The following PTPRM variants were observed in gnomAD, a reference collection of about 807,000 sequenced individuals.
PTPRM encodes protein tyrosine phosphatase receptor type M.
PTPRM carries 47 observed loss-of-function variants against 186.7 expected under a neutral mutation model. The ratio of observed to expected loss-of-function variants is 0.25; its 90% CI spans 0.20 to 0.32. The LOEUF (loss-of-function observed/expected upper bound fraction) is 0.32. PTPRM is among the 10% of genes least tolerant of loss of function. The pLI is 1.00. For missense variants in PTPRM, 1,494 were observed against 1,865.0 expected (o/e 0.80, Z 3.66); for synonymous variants, 668 against 674.9 (o/e 0.99, Z 0.16).
chr18:7,881,763 A>C lies in PTPRM; in HGVS notation c.197-6343A>C, dbSNP rs2048521054. Among the ~76,000 whole-genome samples the C allele has an allele frequency of 2.0e-5, 3 of 152,154 alleles. No individual in the cohort carries two copies. The South Asian group carries it at 6.2e-4, about 32-fold the overall frequency. ...GTGGTGATTCCATGTGCCGTGGCCTATTGGCACCCTTTATTTTCTCCTTTC... is the reference window on the plus strand; with the variant it reads ...GTGGTGATTCCATGTGCCGTGGCCTCTTGGCACCCTTTATTTTCTCCTTTC... On this transcript the variant is annotated intron_variant, in intron 2 of 32. Transcript: ENST00000580170.
At chr18:7,654,676 A>G (rs1347084536) in intron 1 of PTPRM, among the ~76,000 whole-genome samples, 1 of 152,218 alleles carries the variant, frequency 6.6e-6, no homozygotes, top group Admixed American at 6.5e-5. Flanking sequence ...ATGGCTAGTC[A>G]GTTACACCAG....
At chr18:8,222,474 A>G (rs2094164666) in intron 14 of PTPRM, among the ~76,000 whole-genome samples, 1 of 152,198 alleles carries the variant, frequency 6.6e-6, no homozygotes, top group African/African-American at 2.4e-5. Context: ...GATTTTACAA[A>G]GTTTCCATCT....
At chr18:8,177,290 A>G (rs564631281) in intron 14 of PTPRM, among the ~76,000 whole-genome samples, 3 of 152,200 alleles carry the variant, frequency 2.0e-5, no homozygotes, top group African/African-American at 7.2e-5. Flanking sequence ...CATTCAACAC[A>G]TTTTTTGAGA....
chr18:8,030,733 G>T (rs775125632), intron 7 of PTPRM, among the ~76,000 whole-genome samples: 7 of 152,210 alleles, frequency 4.6e-5, no homozygotes, highest in Non-Finnish European at 8.8e-5. Flanking sequence ...ATGACAACAT[G>T]AGGTGGTTCA....
chr18:7,920,866 G>A (rs1176894512), intron 4 of PTPRM, among the ~76,000 whole-genome samples: 4 of 151,986 alleles, frequency 2.6e-5, no homozygotes, highest in Admixed American at 6.6e-5. Context: ...TAGCTTTAGT[G>A]GCTGCAGTAT....
chr18:8,152,417 G>T (rs750104875), intron 14 of PTPRM, among the ~76,000 whole-genome samples: 1 of 152,068 alleles, frequency 6.6e-6, no homozygotes, highest in East Asian at 1.9e-4. Flanking sequence ...TCCATTTATG[G>T]TTCTGTTCTA....
chr18:8,199,963 G>A (rs1373617704), intron 14 of PTPRM, among the ~76,000 whole-genome samples: 1 of 152,056 alleles, frequency 6.6e-6, no homozygotes, highest in African/African-American at 2.4e-5. Context: ...AAATCTTGTT[G>A]TTAAATAATA....
chr18:7,979,216 CCTGT>C (rs978611533), intron 7 of PTPRM, among the ~76,000 whole-genome samples: 1 of 152,092 alleles, frequency 6.6e-6, no homozygotes, highest in African/African-American at 2.4e-5. Context: ...TTTGTCTGAC[CCTGT>C]CTAAGTATAT....
chr18:8,344,446 G>GTATATATATATATATATATATATATA (rs1412437272), intron 23 of PTPRM, among the ~76,000 whole-genome samples: 20 of 16,606 alleles, frequency 1.2e-3, no homozygotes, highest in South Asian at 6.0e-3. Context: ...GTGTGTGTGT[G>GTATATATATATATATATATATATATA]TGTATATATA....
At chr18:8,384,976 C>T (rs944607687) in intron 30 of PTPRM, among the ~76,000 whole-genome samples, 1 of 152,142 alleles carries the variant, frequency 6.6e-6, no homozygotes, top group Admixed American at 6.5e-5. Flanking sequence ...AGAGAGTGGG[C>T]TCAACTCCGA....
At chr18:7,720,411 C>T (rs1024561092) in intron 1 of PTPRM, among the ~76,000 whole-genome samples, 3 of 152,034 alleles carry the variant, frequency 2.0e-5, no homozygotes, top group African/African-American at 7.2e-5. Context: ...TGGAAATTCA[C>T]TGTAATAAAA....
At chr18:7,755,577 T>C (rs751544992) in intron 1 of PTPRM, among the ~76,000 whole-genome samples, 8 of 152,222 alleles carry the variant, frequency 5.3e-5, no homozygotes, top group Non-Finnish European at 1.2e-4. Context: ...AATTTTATTT[T>C]GTGCTATGTG....
chr18:8,089,641 G>T (rs1000378512), intron 11 of PTPRM, among the ~76,000 whole-genome samples: 7 of 152,132 alleles, frequency 4.6e-5, no homozygotes, highest in African/African-American at 1.7e-4. Flanking sequence ...TTTGAATAGA[G>T]TACTTGGAAG....
At chr18:7,724,895 T>G (rs2040516215) in intron 1 of PTPRM, among the ~76,000 whole-genome samples, 1 of 152,236 alleles carries the variant, frequency 6.6e-6, no homozygotes, top group South Asian at 2.1e-4. Flanking sequence ...ATTACAATGT[T>G]CAGGCTCTTT....
intron 1 of PTPRM, among the ~76,000 whole-genome samples, chr18:7,747,956 G>C (rs1402215170): frequency 6.6e-6 from 1 of 152,162 alleles, no homozygotes; most frequent in African/African-American, 2.4e-5. Context: ...TATCTCTGTG[G>C]AGGTGACACC....
At chr18:7,985,643 A>T (rs1209571213) in intron 7 of PTPRM, among the ~76,000 whole-genome samples, 2 of 150,040 alleles carry the variant, frequency 1.3e-5, no homozygotes, top group African/African-American at 4.9e-5. Context: ...ATATATACAT[A>T]TATGGGGTAA....
chr18:8,303,320 G>A (rs1021243431), intron 20 of PTPRM, among the ~76,000 whole-genome samples: 1 of 152,068 alleles, frequency 6.6e-6, no homozygotes, highest in African/African-American at 2.4e-5. Flanking sequence ...TCCTAACAAC[G>A]AGGTGTGACT....
chr18:8,301,071 C>T (rs2095152464), intron 20 of PTPRM, among the ~76,000 whole-genome samples: 1 of 152,172 alleles, frequency 6.6e-6, no homozygotes, highest in Admixed American at 6.5e-5. Flanking sequence ...CTTCCTAGAG[C>T]CTCGGACTTG....
At chr18:7,606,953 C>CCTGA (rs1357873042) in intron 1 of PTPRM, among the ~76,000 whole-genome samples, 2 of 152,170 alleles carry the variant, frequency 1.3e-5, no homozygotes, top group Non-Finnish European at 2.9e-5. Flanking sequence ...TTGGAAGTTG[C>CCTGA]CTGACTCCAC....
Sources: gnomAD v4.1 joint callset for allele counts (sites outside exome capture counted in the v4.1 genomes callset) on GRCh38, gnomAD v4.1.1 for gene constraint, MANE v1.5 for transcripts, NCBI Gene and HGNC (gene_info 2026-07-23, HGNC 2026-07-21) for gene names.